The following NEK11 variants were observed in gnomAD, a reference collection of about 807,000 sequenced individuals.
NEK11 encodes NIMA related kinase 11, also known as serine/threonine-protein kinase Nek11.
In NEK11, 72 loss-of-function variants were observed where a neutral mutation model predicts 80.7. The ratio of observed to expected loss-of-function variants is 0.89; its 90% CI spans 0.74 to 1.08. The LOEUF is 1.08. Ranked by LOEUF, NEK11 falls within the 50% of genes least tolerant of loss-of-function variation. The pLI, the probability that NEK11 is intolerant of heterozygous loss-of-function variation, is 0.00. For synonymous variants in NEK11, 251 were observed against 260.7 expected, an observed-to-expected ratio of 0.96 and a Z score of 0.36; for missense variants, 764 against 763.6, an observed-to-expected ratio of 1.00 and a Z score of -0.01.
At chr3:131,269,417 C>T (rs894298713) in intron 16 of NEK11, among the ~76,000 whole-genome samples, 5 of 152,252 alleles carry the variant, frequency 3.3e-5, no homozygotes, top group African/African-American at 1.2e-4. Flanking sequence ...GAGGGAATCT[C>T]CTGGTCTGTG....
chr3:131,133,735 A>C, intron 6 of NEK11, 95 bp from the exon 7 acceptor site: 2 of 884,548 alleles, frequency 2.3e-6, no homozygotes, highest in Non-Finnish European at 3.6e-6. Flanking sequence ...ATTGCATAAT[A>C]AAATGGTCAA....
At chr3:131,204,397 C>T (rs1162996399) in intron 14 of NEK11, among the ~76,000 whole-genome samples, 1 of 152,140 alleles carries the variant, frequency 6.6e-6, no homozygotes, top group African/African-American at 2.4e-5. Context: ...TGATTTATAG[C>T]CAGTTGATCA....
chr3:131,277,223 C>T (rs1302636901), intron 17 of NEK11, among the ~76,000 whole-genome samples: 1 of 152,190 alleles, frequency 6.6e-6, no homozygotes, highest in Admixed American at 6.5e-5. Flanking sequence ...TCACCCATGA[C>T]CAATCTTGTT....
chr3:131,250,140 G>T lies in NEK11; in HGVS notation c.1621+6644G>T, dbSNP rs188085525. Among the ~76,000 whole-genome samples, 5 of 151,932 alleles carry T rather than the reference G, an allele frequency of 3.3e-5. No individual in the cohort carries two copies. The East Asian group carries it at 5.8e-4, about 18-fold the overall frequency. ...TGGCAGAAATAAAAATTCAGTAGAA[G>T]GTTTGGAAGATAAAAGTGAGGAAAT... On this transcript the variant is annotated intron_variant, in intron 16 of 17. Transcript: ENST00000383366.
intron 14 of NEK11, among the ~76,000 whole-genome samples, chr3:131,175,536 G>A (rs2092954823): frequency 6.6e-6 from 1 of 152,194 alleles, no homozygotes; most frequent in Non-Finnish European, 1.5e-5. Context: ...TATGAGTTCT[G>A]GAACCAGAAG....
At chr3:131,193,993 C>G (rs1353632733) in intron 14 of NEK11, among the ~76,000 whole-genome samples, 1 of 152,126 alleles carries the variant, frequency 6.6e-6, no homozygotes, top group Non-Finnish European at 1.5e-5. Context: ...GTAGTATCAG[C>G]AAATGCAATC....
At chr3:131,242,227 T>G (rs1266684770) in intron 15 of NEK11, among the ~76,000 whole-genome samples, 1 of 152,170 alleles carries the variant, frequency 6.6e-6, no homozygotes, top group Non-Finnish European at 1.5e-5. Flanking sequence ...TTACAAGATA[T>G]TCCTCATGTC....
At chr3:131,283,053 G>A (rs6786718) in intron 17 of NEK11, among the ~76,000 whole-genome samples, 6,437 of 152,124 alleles carry the variant, frequency 0.042, 434 homozygotes, top group African/African-American at 0.14. Context: ...CATTTTATAG[G>A]TAAAGAGTTT....
chr3:131,069,103 AAAGAAC>A, intron 3 of NEK11, among the ~76,000 whole-genome samples: 1 of 152,310 alleles, frequency 6.6e-6, no homozygotes, highest in African/African-American at 2.4e-5. Context: ...AAACAAGGTT[AAAGAAC>A]TTTATTTCAT....
chr3:131,288,051 C>T (rs527630598), intron 17 of NEK11, among the ~76,000 whole-genome samples: 11 of 152,302 alleles, frequency 7.2e-5, no homozygotes, highest in Non-Finnish European at 1.6e-4. Flanking sequence ...ACCAATTTCT[C>T]CCCATCTTCT....
chr3:131,037,959 T>C (rs1301855819), intron 3 of NEK11, among the ~76,000 whole-genome samples: 1 of 152,124 alleles, frequency 6.6e-6, no homozygotes, highest in South Asian at 2.1e-4. Context: ...TTTAATAGGA[T>C]TCAGTGGTTT....
intron 16 of NEK11, among the ~76,000 whole-genome samples, chr3:131,251,497 A>G (rs2095702633): frequency 6.6e-6 from 1 of 152,170 alleles, no homozygotes; most frequent in African/African-American, 2.4e-5. Flanking sequence ...TAAATTAAAA[A>G]GAAGCTAGAT....
chr3:131,111,648 C>T (rs1372637906), intron 5 of NEK11, among the ~76,000 whole-genome samples: 1 of 152,098 alleles, frequency 6.6e-6, no homozygotes, highest in African/African-American at 2.4e-5. Context: ...AGCAAGCTCT[C>T]CTCTCTGAAC....
At chr3:131,297,129 C>T (rs1334978607) in intron 17 of NEK11, among the ~76,000 whole-genome samples, 1 of 152,150 alleles carries the variant, frequency 6.6e-6, no homozygotes, top group Non-Finnish European at 1.5e-5. Flanking sequence ...CATACGTATA[C>T]ATGTGTCTTT....
chr3:131,176,869 A>G (rs992541498), intron 14 of NEK11, among the ~76,000 whole-genome samples: 14 of 152,174 alleles, frequency 9.2e-5, no homozygotes, highest in African/African-American at 3.1e-4. Flanking sequence ...TATAAATCAT[A>G]TAGTAGTTAT....
At chr3:131,185,974 G>A (rs2093584221) in intron 14 of NEK11, among the ~76,000 whole-genome samples, 1 of 152,004 alleles carries the variant, frequency 6.6e-6, no homozygotes, top group African/African-American at 2.4e-5. Context: ...CTGTATAATG[G>A]GAATAATCAC....
intron 16 of NEK11, among the ~76,000 whole-genome samples, chr3:131,269,020 G>A (rs758705593): frequency 5.9e-5 from 9 of 152,200 alleles, no homozygotes; most frequent in Non-Finnish European, 8.8e-5. Context: ...GCCAAGCTGC[G>A]GTGGGCTCTG....
At chr3:131,228,890 A>G (rs1330580857) in intron 15 of NEK11, among the ~76,000 whole-genome samples, 1 of 152,022 alleles carries the variant, frequency 6.6e-6, no homozygotes, top group Non-Finnish European at 1.5e-5. Flanking sequence ...GATCTGGACC[A>G]TGTTGATGGG....
At chr3:131,081,189 C>T (rs2075215947) in intron 4 of NEK11, among the ~76,000 whole-genome samples, 1 of 152,132 alleles carries the variant, frequency 6.6e-6, no homozygotes, top group African/African-American at 2.4e-5. Flanking sequence ...AAGGGCAAAC[C>T]TTCTAGAATG....
Sources: allele counts gnomAD v4.1 joint callset (sites outside exome capture counted in the v4.1 genomes callset), GRCh38; gene constraint gnomAD v4.1.1; transcripts MANE v1.5; gene names NCBI Gene and HGNC (gene_info 2026-07-23, HGNC 2026-07-21).